Variants in AFDN observed in about 807,000 individuals in gnomAD.
The protein encoded by AFDN is afadin, adherens junction formation factor, also known as afadin.
AFDN carries 68 observed loss-of-function variants against 216.6 expected under a neutral mutation model. That is an observed-to-expected ratio of 0.31 (90% CI 0.26 to 0.38). The LOEUF (loss-of-function observed/expected upper bound fraction) is 0.38. Among genes scored for constraint, AFDN ranks in the 10% least tolerant of loss-of-function variants. The pLI, the probability that AFDN is intolerant of heterozygous loss-of-function variation, is 1.00. For missense variants in AFDN, 2,136 were observed against 2,342.0 expected, an observed-to-expected ratio of 0.91 and a Z score of 1.82; for synonymous variants, 868 against 853.7, an observed-to-expected ratio of 1.02 and a Z score of -0.29.
rs771734580 is a variant in AFDN at position 167,951,199 on chromosome 6, C to T, written c.3845C>T (p.Ser1282Phe). 6.4e-7 allele frequency: 1 copy of T among 1,557,620 alleles called. No individual in the cohort carries two copies. The highest frequency in any genetic ancestry group is 8.7e-7 in the Non-Finnish European group (1 of 1,155,322). The stretch of plus-strand genomic sequence containing the variant: ...TTCTTTTTGCAGCGTGTTACACGTT[C>T]CCAAGAAGAACTTCGAGAAGATAAA... ...SSIAIQRVTR[S>F]QEELREDKAY... The change falls in exon 30 of 34, where the codon TCC (serine) becomes TTC (phenylalanine). Residue 1282 changes from serine (S) to phenylalanine (F), a missense_variant. Around this residue, in one of 8 missense-constraint regions of AFDN, gnomAD observed 981 missense variants for 966.0 expected, o/e 1.02. Coordinates refer to ENST00000683244, the MANE Select transcript of AFDN (RefSeq NM_001386888.1). The surrounding 1 kb of genome is among the most constrained non-coding windows in gnomAD (Gnocchi z 7.1).
At chr6:167,959,521 T>A (rs1310704792) in intron 30 of AFDN, among the ~76,000 whole-genome samples, 1 of 152,196 alleles carries the variant, frequency 6.6e-6, no homozygotes, top group Non-Finnish European at 1.5e-5. Flanking sequence ...GGGTGGACAT[T>A]TTTAAAGGGA....
intron 1 of AFDN, among the ~76,000 whole-genome samples, chr6:167,855,181 T>G (rs1251373506): frequency 6.6e-6 from 1 of 152,084 alleles, no homozygotes; most frequent in Non-Finnish European, 1.5e-5. Flanking sequence ...GTATTTGAAG[T>G]GACATGGAAT....
intron 5 of AFDN, among the ~76,000 whole-genome samples, chr6:167,879,177 TG>T (rs1785802724): frequency 6.6e-6 from 1 of 152,154 alleles, no homozygotes; most frequent in Admixed American, 6.6e-5. Context: ...ATGGTAAAGA[TG>T]TGCTGCAACC....
At chr6:167,922,780 A>G (rs565180540) in intron 21 of AFDN, 76 bp from the exon 22 acceptor site, 5 of 940,334 alleles carry the variant, frequency 5.3e-6, no homozygotes, top group African/African-American at 3.2e-5. Context: ...ATATTAAGCA[A>G]TTGGTAATTA....
chr6:167,874,369 AT>A (rs1346755936), intron 4 of AFDN, among the ~76,000 whole-genome samples: 2 of 152,162 alleles, frequency 1.3e-5, no homozygotes, highest in Admixed American at 1.3e-4. Context: ...TAATTAAATT[AT>A]TTTTTATGAT....
At chr6:167,874,567 AT>A (rs1785131496) in intron 4 of AFDN, among the ~76,000 whole-genome samples, 1 of 151,768 alleles carries the variant, frequency 6.6e-6, no homozygotes, top group Admixed American at 6.6e-5. Context: ...GTTAAAAAAA[AT>A]CATTCCATTC....
chr6:167,907,147 C>A (rs369582865), intron 12 of AFDN, 24 bp from the exon 13 acceptor site: 14 of 1,589,500 alleles, frequency 8.8e-6, no homozygotes, highest in Non-Finnish European at 1.1e-5. Context: ...GGTTCTAAAC[C>A]CGTTGTGCTT....
intron 23 of AFDN, among the ~76,000 whole-genome samples, chr6:167,934,802 T>C (rs1346750311): frequency 1.3e-5 from 2 of 152,214 alleles, no homozygotes; most frequent in African/African-American, 4.8e-5. Context: ...GTTTGAAGCC[T>C]AGGCTCCGCC....
chr6:167,844,572 T>C (rs1423141009), intron 1 of AFDN, among the ~76,000 whole-genome samples: 1 of 152,188 alleles, frequency 6.6e-6, no homozygotes, highest in Non-Finnish European at 1.5e-5. Context: ...TATACACATA[T>C]CTTTCTATAC....
chr6:167,838,752 G>A (rs1294320402), intron 1 of AFDN, among the ~76,000 whole-genome samples: 1 of 152,202 alleles, frequency 6.6e-6, no homozygotes, highest in Non-Finnish European at 1.5e-5. Flanking sequence ...AAGAAACAGT[G>A]AAGCTTGGCG....
At chr6:167,943,572 G>A (rs559718451) in intron 25 of AFDN, 97 bp downstream of exon 25, 14 of 947,890 alleles carry the variant, frequency 1.5e-5, no homozygotes, top group South Asian at 2.7e-5. Flanking sequence ...ATGCTAAAAC[G>A]TGCTCATATT....
chr6:167,890,717 G>A, intron 7 of AFDN, 145 bp from the exon 8 acceptor site: 1 of 619,014 alleles, frequency 1.6e-6, no homozygotes, highest in Non-Finnish European at 2.6e-6. Flanking sequence ...GTATGAATTG[G>A]GTAAGCTGTA....
rs1485654210 is a variant in AFDN, at chr6:167,951,993, A to T, written c.4639A>T (p.Ile1547Phe). ...MHIVDMLSKE[I>F]QELQSKPDRS... Reference sequence around the variant, plus strand: ...CATCGTGGACATGCTGAGCAAGGAGATCCAGGAGCTCCAGAGCAAACCGGA... The same window carrying T: ...CATCGTGGACATGCTGAGCAAGGAGTTCCAGGAGCTCCAGAGCAAACCGGA... Residue 1547 changes from isoleucine to phenylalanine, a missense_variant, in exon 30 of 34, where the codon ATC becomes TTC. Ile to Phe is a conservative substitution (Grantham distance 21). Around this residue, in one of 8 missense-constraint regions of AFDN, gnomAD observed 981 missense variants for 966.0 expected, o/e 1.02. Transcript: ENST00000683244. This position sits in a 1 kb window ranked among gnomAD's most constrained non-coding sequence, Gnocchi z 7.1. 6.2e-7 allele frequency: 1 copy of T among 1,614,166 alleles called. No individual in the cohort carries two copies. Among genetic ancestry groups the T allele is most frequent in the Non-Finnish European group, 8.5e-7 (1 of 1,180,030 alleles).
At chr6:167,864,986 T>A in intron 2 of AFDN, 1 of 640,054 alleles carries the variant, frequency 1.6e-6, no homozygotes, top group Non-Finnish European at 2.9e-6. Flanking sequence ...TTGCATATGC[T>A]TATTTCTCCA....
chr6:167,964,938 T>C, intron 31 of AFDN: 3 of 1,058,214 alleles, frequency 2.8e-6, no homozygotes, highest in Non-Finnish European at 3.4e-6. Context: ...GTTAAAAGAA[T>C]TTTAACACTG....
At position 167,965,895 on chromosome 6, in the gene AFDN, T is replaced by TCCCCGTCCC; in HGVS notation, c.5110_5118dup (p.Pro1704_Pro1706dup). On this transcript the variant is annotated inframe_insertion, in exon 32 of 34. Transcript: ENST00000683244. ...GCTTCCCCGGGACTACGAGCCCCCG[T>TCCCCGTCCC]CCCCGTCCCCCGCGCCCGGCGCCCC... is the stretch of plus-strand genomic sequence containing the variant. 6.5e-7 allele frequency: 1 copy of TCCCCGTCCC among 1,548,018 alleles called. No individual in the cohort carries two copies. Among genetic ancestry groups the TCCCCGTCCC allele is most frequent in the East Asian group, 2.4e-5 (1 of 40,848 alleles).
At chr6:167,964,465 A>T in intron 31 of AFDN, 1 of 1,065,664 alleles carries the variant, frequency 9.4e-7, no homozygotes, top group East Asian at 5.0e-5. Flanking sequence ...TTGTGTAGAC[A>T]AGAAGATGAG....
rs766563390 is a variant in AFDN, at chr6:167,915,328, T to C, written c.2460T>C (p.His820=). 1 of 1,614,244 alleles carries C rather than the reference T, an allele frequency of 6.2e-7. No individual in the cohort carries two copies. The highest frequency in any genetic ancestry group is 8.5e-7 in the Non-Finnish European group (1 of 1,180,040). The change falls in exon 19 of 34, where the codon CAT becomes CAC. Residue 820 remains histidine (H), a synonymous_variant. Transcript: ENST00000683244. ...ACCCAGATTCGGGGCTGTGCTCCCA[T>C]TACTGGGGTGCGATTATCCGTCAGC... ...VTDPDSGLCS[H]YWGAIIRQQL...
chr6:167,885,637 A>T (rs1786696309), intron 6 of AFDN, among the ~76,000 whole-genome samples: 1 of 152,230 alleles, frequency 6.6e-6, no homozygotes, highest in Non-Finnish European at 1.5e-5. Context: ...GACAGATTTA[A>T]TAATAATAAT....
Sources: allele counts gnomAD v4.1 joint callset (sites outside exome capture counted in the v4.1 genomes callset), GRCh38; gene constraint gnomAD v4.1.1; regional missense constraint gnomAD v4.1.1; non-coding constraint Gnocchi (gnomAD v3.1); transcripts MANE v1.5; gene names NCBI Gene and HGNC (gene_info 2026-07-23, HGNC 2026-07-21).